MLIP: variants seen among roughly 807,000 people sequenced by gnomAD.
MLIP encodes the protein muscular LMNA interacting protein, also known as muscular LMNA-interacting protein.
In MLIP, 79 loss-of-function variants were observed where a neutral mutation model predicts 84.8. That is an observed-to-expected ratio of 0.93 (90% CI 0.78 to 1.12). MLIP has a LOEUF of 1.12. MLIP is among the 50% of genes most tolerant of loss of function. MLIP has a pLI of 0.00. For synonymous variants in MLIP, 504 were observed against 463.0 expected, an observed-to-expected ratio of 1.09 and a Z score of -1.14; for missense variants, 1,257 against 1,160.6, an observed-to-expected ratio of 1.08 and a Z score of -1.21.
intron 1 of MLIP, among the ~76,000 whole-genome samples, chr6:54,019,661 G>A (rs184527700): frequency 6.6e-4 from 100 of 152,250 alleles, no homozygotes; most frequent in Non-Finnish European, 1.2e-3. Context: ...TGAGTTAAAT[G>A]TGCTGTCCAT....
intron 5 of MLIP, among the ~76,000 whole-genome samples, chr6:54,152,411 T>C (rs1773544499): frequency 6.6e-6 from 1 of 152,170 alleles, no homozygotes; most frequent in Non-Finnish European, 1.5e-5. Flanking sequence ...TAATTGGACT[T>C]ACAGTTCCAC....
chr6:54,259,400 C>A (rs537131916), intron 13 of MLIP, among the ~76,000 whole-genome samples: 5 of 151,702 alleles, frequency 3.3e-5, no homozygotes, highest in Non-Finnish European at 7.4e-5. Flanking sequence ...TTCAAGTTCA[C>A]ATTGACTATA....
intron 9 of MLIP, among the ~76,000 whole-genome samples, chr6:54,181,285 CCAA>C (rs1356139398): frequency 2.6e-5 from 4 of 152,240 alleles, no homozygotes; most frequent in Middle Eastern, 3.4e-3. Context: ...CCTGTGGCCA[CCAA>C]CACCACCAGC....
Position 54,147,762 on chromosome 6 carries a change from AGT to A in MLIP, c.2218-1289_2218-1288del, listed in dbSNP as rs202230354. Among the ~76,000 whole-genome samples, 173 of 152,224 alleles carry A rather than the reference AGT, an allele frequency of 1.1e-3. 2 individuals carry two copies. The East Asian group carries it at 0.023, about 20-fold the overall frequency. On this transcript the variant is annotated intron_variant, in intron 4 of 13. Coordinates refer to ENST00000502396, the MANE Select transcript of MLIP (RefSeq NM_001281747.2). ...GTATATATTCATGTGTATGAATCAG[AGT>A]GTGTAAGTGAGCATGTATTTGTGGG...
chr6:54,153,289 C>T lies in MLIP; in HGVS notation c.2289+4162C>T, dbSNP rs1014595677. Among the ~76,000 whole-genome samples the T allele has an allele frequency of 9.9e-5, 15 of 152,060 alleles. No individual in the cohort carries two copies. The South Asian group carries it at 3.1e-3, about 32-fold the overall frequency. On this transcript the variant is annotated intron_variant, in intron 5 of 13. Transcript: ENST00000502396. ...AGAAAAAGGCAAAATTTTGATATAT[C>T]CTGTCAACTGTCAAGTCTATTTATT...
At chr6:54,099,793 G>A (rs992271446) in intron 1 of MLIP, among the ~76,000 whole-genome samples, 1 of 152,114 alleles carries the variant, frequency 6.6e-6, no homozygotes, top group African/African-American at 2.4e-5. Flanking sequence ...AGATTTGAAG[G>A]GGATAGGCTT....
chr6:54,160,686 T>C, intron 7 of MLIP, 54 bp from the exon 8 acceptor site: 1 of 1,512,370 alleles, frequency 6.6e-7, no homozygotes, highest in Non-Finnish European at 9.2e-7. Flanking sequence ...CCTCACAGGC[T>C]TGTCCTTTTC....
chr6:54,148,142 A>G (rs1465097210), intron 4 of MLIP, among the ~76,000 whole-genome samples: 1 of 152,140 alleles, frequency 6.6e-6, no homozygotes, highest in Non-Finnish European at 1.5e-5. Context: ...AGACACTAAG[A>G]TAGCCTGGAG....
rs1777024254 is a variant in MLIP at position 54,182,869 on chromosome 6, TAAC to T, written c.2545-6997_2545-6995del. 3.3e-5 allele frequency among the ~76,000 whole-genome samples: 5 copies of T among 152,314 alleles called. No homozygotes were observed. The South Asian group carries it at 1.0e-3, about 32-fold the overall frequency. Reference sequence around the variant, plus strand: ...CTTAGTTGGAATCACATTCTATTGATAACAACTTATTTTATAAATCCTCTACAT... The same window carrying T: ...CTTAGTTGGAATCACATTCTATTGATAACTTATTTTATAAATCCTCTACAT... On this transcript the variant is annotated intron_variant, in intron 9 of 13. Coordinates refer to ENST00000502396, the MANE Select transcript of MLIP (RefSeq NM_001281747.2).
intron 10 of MLIP, among the ~76,000 whole-genome samples, chr6:54,196,024 A>G (rs1285657471): frequency 1.3e-5 from 2 of 152,040 alleles, no homozygotes; most frequent in Non-Finnish European, 2.9e-5. Flanking sequence ...CTGAGGGTGA[A>G]ACTCACCAAC....
chr6:54,153,400 C>T (rs1033790832), intron 5 of MLIP, among the ~76,000 whole-genome samples: 1 of 151,994 alleles, frequency 6.6e-6, no homozygotes, highest in Non-Finnish European at 1.5e-5. Context: ...ATTCTAGTCT[C>T]AAGCAAACCT....
chr6:54,220,722 CAG>C (rs1179960979), intron 11 of MLIP, among the ~76,000 whole-genome samples: 1 of 150,762 alleles, frequency 6.6e-6, no homozygotes, highest in Non-Finnish European at 1.5e-5. Flanking sequence ...ATGAAATACA[CAG>C]AAAGTGACAT....
intron 12 of MLIP, among the ~76,000 whole-genome samples, chr6:54,231,552 C>T (rs969119857): frequency 2.0e-5 from 3 of 152,064 alleles, no homozygotes; most frequent in African/African-American, 7.3e-5. Context: ...GGAATTGAAT[C>T]ATAAATGTTT....
rs766130248 is a variant in MLIP at position 54,124,483 on chromosome 6, A to G, written c.263A>G (p.Asn88Ser). 5.0e-6 allele frequency: 8 copies of G among 1,613,210 alleles called. No individual in the cohort carries two copies. In the East Asian group the frequency reaches 1.8e-4, roughly 36 times the overall value. The change falls in exon 3 of 14, where the codon AAT becomes AGT. Residue 88 changes from asparagine to serine, a missense_variant. Transcript: ENST00000502396. ...CTACATCTATTACAGTCTAAATCCA[A>G]TGACTACTTGACCTTGAATGCTGGG... ...SPETVNRSKS[N>S]DYLTLNAGSQ...
At position 54,169,542 on chromosome 6, in the gene MLIP, T is replaced by G. The variant is rs566838498; in HGVS notation, c.2514T>G (p.Leu838=). Residue 838 remains leucine (L), a synonymous_variant, in exon 9 of 14, where the codon CTT becomes CTG. Transcript: ENST00000502396. ...TTTTCATACAGACTCCTACAACTCT[T>G]CCAAGAGCAGCTGGTCGAGAAACCA... ...GSDTVKTPTT[L]PRAAGRETKY... is the part of the protein sequence containing the mutation. 4 of 1,592,672 alleles carry G rather than the reference T, an allele frequency of 2.5e-6. No individual in the cohort carries two copies. In the South Asian group the frequency reaches 4.6e-5, roughly 18 times the overall value.
chr6:54,073,210 G>T (rs893812300), intron 1 of MLIP, among the ~76,000 whole-genome samples: 7 of 152,152 alleles, frequency 4.6e-5, no homozygotes, highest in Non-Finnish European at 7.4e-5. Context: ...TTTTGCAGTT[G>T]CAAGCTGATC....
At chr6:54,048,277 G>A (rs1391139097) in intron 1 of MLIP, among the ~76,000 whole-genome samples, 1 of 152,158 alleles carries the variant, frequency 6.6e-6, no homozygotes, top group Non-Finnish European at 1.5e-5. Flanking sequence ...CATAGTAAAG[G>A]GATAGAGAAA....
chr6:54,216,570 AT>A, intron 11 of MLIP: 2 of 980,428 alleles, frequency 2.0e-6, no homozygotes, highest in Non-Finnish European at 2.4e-6. Flanking sequence ...AGTTATCCAA[AT>A]TCTATCTTAA....
intron 1 of MLIP, among the ~76,000 whole-genome samples, chr6:54,087,775 T>TAAAAA (rs1415173046): frequency 6.6e-6 from 1 of 151,906 alleles, no homozygotes; most frequent in Admixed American, 6.6e-5. Context: ...AGAAAAATTT[T>TAAAAA]AAAAAACAAA....
Sources: allele counts gnomAD v4.1 joint callset (sites outside exome capture counted in the v4.1 genomes callset), GRCh38; gene constraint gnomAD v4.1.1; transcripts MANE v1.5; gene names NCBI Gene and HGNC (gene_info 2026-07-23, HGNC 2026-07-21).